The following ADCY10 variants were observed in gnomAD, a reference collection of about 807,000 sequenced individuals.
ADCY10 encodes the protein adenylate cyclase 10, also known as adenylate cyclase type 10.
A neutral mutation model predicts 183.3 loss-of-function variants in ADCY10; 156 were observed. The ratio of observed to expected loss-of-function variants is 0.85; its 90% confidence interval spans 0.75 to 0.97. ADCY10 has a LOEUF of 0.97. Among genes scored for constraint, ADCY10 ranks in the 50% least tolerant of loss-of-function variants. The probability of loss-of-function intolerance (pLI) is 0.00; values close to 1 mark genes in which losing one functional copy is unlikely to be tolerated. For synonymous variants in ADCY10, 645 were observed against 670.0 expected (o/e 0.96, Z 0.58); for missense variants, 1,745 against 1,934.3 (o/e 0.90, Z 1.84).
Position 167,880,552 on chromosome 1 carries a change from T to G in ADCY10, c.1078A>C (p.Thr360Pro), listed in dbSNP as rs1295781369. Residue 360 changes from threonine (T) to proline (P), a missense_variant, in exon 10 of 33, where the codon ACT becomes CCT. Transcript: ENST00000367851. ...FPGEKVPDELTHALECAMDIF... is the reference protein window; with the variant it reads ...FPGEKVPDELPHALECAMDIF... The stretch of plus-strand genomic sequence containing the variant: ...TCCATAGCACATTCCAGAGCATGAG[T>G]GAGCTCGTCAGGTACCTTTTCCCCA... 9 of 1,613,972 alleles carry G rather than the reference T, an allele frequency of 5.6e-6. No individual in the cohort carries two copies. Among genetic ancestry groups the G allele is most frequent in the Non-Finnish European group, 7.6e-6 (9 of 1,180,000 alleles).
At chr1:167,868,127 C>A (rs1290037445) in intron 14 of ADCY10, among the ~76,000 whole-genome samples, 1 of 152,176 alleles carries the variant, frequency 6.6e-6, no homozygotes, top group Admixed American at 6.5e-5. Flanking sequence ...CTATGATTAA[C>A]TAAATGTGCC....
chr1:167,909,369 T>C (rs971337251), intron 1 of ADCY10, among the ~76,000 whole-genome samples: 2 of 152,144 alleles, frequency 1.3e-5, no homozygotes, highest in Non-Finnish European at 2.9e-5. Flanking sequence ...GGTGAAAAGA[T>C]GTATGCATTT....
intron 22 of ADCY10, 124 bp from the exon 23 acceptor site, chr1:167,836,664 T>A: frequency 1.4e-6 from 1 of 697,974 alleles, no homozygotes; most frequent in Non-Finnish European, 2.5e-6. Flanking sequence ...CCGAAGCTGG[T>A]GGATCATCTG....
At chr1:167,848,820 T>G (rs537947930) in intron 18 of ADCY10, among the ~76,000 whole-genome samples, 1 of 152,014 alleles carries the variant, frequency 6.6e-6, no homozygotes, top group South Asian at 2.1e-4. Flanking sequence ...GGCTAATTTC[T>G]GTAGAGATGA....
At chr1:167,854,681 C>G (rs1293538564) in intron 17 of ADCY10, among the ~76,000 whole-genome samples, 192 bp from the exon 18 acceptor site, 2 of 152,156 alleles carry the variant, frequency 1.3e-5, no homozygotes, top group African/African-American at 4.8e-5. Context: ...AGTGTGCACA[C>G]ACTTGATTTA....
At position 167,899,437 on chromosome 1, in the gene ADCY10, G is replaced by C; in HGVS notation, c.628C>G (p.Gln210Glu). 4.3e-6 allele frequency: 7 copies of C among 1,614,206 alleles called. No individual in the cohort carries two copies. The highest frequency in any genetic ancestry group is 5.9e-6 in the Non-Finnish European group (7 of 1,180,032). Residue 210 changes from glutamine (Q) to glutamate (E), a missense_variant, in exon 6 of 33, where the codon CAG (glutamine) becomes GAG (glutamate). Physicochemically the swap from Gln to Glu is conservative, Grantham distance 29. Transcript: ENST00000367851. ...SMIEIESVPD[Q>E]RAVKVNFLKP... ...ATCACACCCACCTTAACTGCTCTCT[G>C]ATCTGGAACACTCTCAATTTCAATC...
At chr1:167,909,242 T>C (rs558486838) in intron 1 of ADCY10, among the ~76,000 whole-genome samples, 1 of 152,342 alleles carries the variant, frequency 6.6e-6, no homozygotes, top group Non-Finnish European at 1.5e-5. Flanking sequence ...TAGTATTCCA[T>C]CACCTGATGG....
chr1:167,843,518 C>T (rs977963004), intron 21 of ADCY10, among the ~76,000 whole-genome samples: 1 of 151,956 alleles, frequency 6.6e-6, no homozygotes, highest in African/African-American at 2.4e-5. Flanking sequence ...TTCCTTAATT[C>T]AGGCAGCGCA....
chr1:167,883,441 T>A lies in ADCY10; in HGVS notation c.1016A>T (p.Asp339Val). 3.7e-6 allele frequency: 6 copies of A among 1,614,208 alleles called. No individual in the cohort carries two copies. The highest frequency in any genetic ancestry group is 4.2e-6 in the Non-Finnish European group (5 of 1,180,034). Residue 339 changes from aspartate (D) to valine (V), a missense_variant, in exon 9 of 33, where the codon GAC (aspartate) becomes GTC (valine). Asp to Val is a radical substitution (Grantham distance 152). Coordinates refer to ENST00000367851, the MANE Select transcript of ADCY10 (RefSeq NM_018417.6). ...QGQINKVFMF[D>V]KGCSFLCVFG... The stretch of plus-strand genomic sequence containing the variant: ...CATCCCATAGTTCACACTTACCTTG[T>A]CAAACATGAAGACTTTATTGATTTG...
intron 16 of ADCY10, among the ~76,000 whole-genome samples, chr1:167,859,189 A>T (rs1039429320): frequency 3.3e-5 from 5 of 152,348 alleles, no homozygotes; most frequent in African/African-American, 1.2e-4. Flanking sequence ...CAAGGCTCTT[A>T]GGAATATGGT....
chr1:167,904,029 G>C, intron 2 of ADCY10, 38 bp from the exon 3 acceptor site: 2 of 1,453,342 alleles, frequency 1.4e-6, no homozygotes, highest in Non-Finnish European at 1.9e-6. Context: ...TGGCTGCTTG[G>C]GGGAATCAAA....
intron 16 of ADCY10, among the ~76,000 whole-genome samples, chr1:167,859,148 C>G (rs1278508132): frequency 6.6e-6 from 1 of 152,154 alleles, no homozygotes; most frequent in Non-Finnish European, 1.5e-5. Flanking sequence ...CTCAACTCAG[C>G]GTGAGTCACT....
intron 26 of ADCY10, 74 bp from the exon 27 acceptor site, chr1:167,824,929 C>T: frequency 1.5e-6 from 2 of 1,365,872 alleles, no homozygotes; most frequent in Non-Finnish European, 2.1e-6. Context: ...TCAATGTCTG[C>T]CAGTAAATGT....
At chr1:167,858,412 C>T (rs549556569) in intron 16 of ADCY10, among the ~76,000 whole-genome samples, 4 of 146,016 alleles carry the variant, frequency 2.7e-5, no homozygotes, top group South Asian at 2.2e-4. Context: ...GCAGGAGAAT[C>T]GCTTGAACCT....
chr1:167,910,118 C>T lies in ADCY10; in HGVS notation c.-59+3858G>A, dbSNP rs117437580. Among the ~76,000 whole-genome samples, 1,046 of 152,258 alleles carry T rather than the reference C, an allele frequency of 6.9e-3. 41 individuals are homozygous for T. Among genetic ancestry groups the T allele is most frequent in the Admixed American group, 0.048 (739 of 15,298 alleles). ...ATGCAAGTCTGCCAATGCTCCCAGC[C>T]GAATAAAGCCTCTTCCTTCTTTAAC... is the stretch of plus-strand genomic sequence containing the variant. On this transcript the variant is annotated intron_variant, in intron 1 of 32. Transcript: ENST00000367851.
At chr1:167,832,844 C>T in intron 25 of ADCY10, 143 bp downstream of exon 25, 1 of 823,720 alleles carries the variant, frequency 1.2e-6, no homozygotes. Flanking sequence ...CCCACACTCG[C>T]CCCCTCCCCA....
intron 29 of ADCY10, among the ~76,000 whole-genome samples, 188 bp from the exon 30 acceptor site, chr1:167,822,329 T>G (rs866336156): frequency 1.3e-5 from 2 of 152,128 alleles, no homozygotes; most frequent in African/African-American, 4.8e-5. Flanking sequence ...GTCCTACCTA[T>G]TGGGGAGTGT....
At chr1:167,821,768 T>C (rs1322427302) in intron 30 of ADCY10, among the ~76,000 whole-genome samples, 1 of 152,238 alleles carries the variant, frequency 6.6e-6, no homozygotes, top group Non-Finnish European at 1.5e-5. Flanking sequence ...TTTATCCCTG[T>C]ATCACCACAA....
rs745480057 is a variant in ADCY10, at chr1:167,845,610, A to G, written c.2960T>C (p.Leu987Ser). Residue 987 changes from leucine to serine, a missense_variant, in exon 21 of 33, where the codon TTA becomes TCA. Transcript: ENST00000367851. ...HFTVNIRLNA[L>S]DMDAIKKMAM... Reference sequence around the variant, plus strand: ...CATCTTTTTAATGGCATCCATGTCTAAAGCGTTGAGCCGAATATTCACTGT... The same window carrying G: ...CATCTTTTTAATGGCATCCATGTCTGAAGCGTTGAGCCGAATATTCACTGT... 1 of 1,614,262 alleles carries G rather than the reference A, an allele frequency of 6.2e-7. No homozygotes were observed. The highest frequency in any genetic ancestry group is 2.2e-5 in the East Asian group (1 of 44,890).
Sources: gnomAD v4.1 joint callset for allele counts (sites outside exome capture counted in the v4.1 genomes callset) on GRCh38, gnomAD v4.1.1 for gene constraint, MANE v1.5 for transcripts, NCBI Gene and HGNC (gene_info 2026-07-23, HGNC 2026-07-21) for gene names.